NKAIN2: variants seen among roughly 807,000 people sequenced by gnomAD.
NKAIN2 encodes sodium/potassium transporting ATPase interacting 2.
A neutral mutation model predicts 32.6 loss-of-function variants in NKAIN2; 14 were observed. The observed-to-expected ratio is 0.43, with a 90% CI of 0.28 to 0.67. NKAIN2 has a LOEUF of 0.67. Among genes scored for constraint, NKAIN2 ranks in the 30% least tolerant of loss-of-function variants. The pLI, the probability that NKAIN2 is intolerant of heterozygous loss-of-function variation, is 0.17. For missense variants in NKAIN2, 198 were observed against 258.3 expected (o/e 0.77, Z 1.60); for synonymous variants, 80 against 87.2 (o/e 0.92, Z 0.46).
chr6:124,502,586 A>G lies in NKAIN2; in HGVS notation c.273+147239A>G, dbSNP rs576376053. ...TTTGTGTGTAGACTTTATTTACTCC[A>G]AGATTATAGAAAAGAATTCATGATA... is the stretch of plus-strand genomic sequence containing the variant. On this transcript the variant is annotated intron_variant, in intron 3 of 6. Coordinates refer to ENST00000368417, the MANE Select transcript of NKAIN2 (RefSeq NM_001040214.3). 3.3e-5 allele frequency among the ~76,000 whole-genome samples: 5 copies of G among 152,326 alleles called. No individual in the cohort carries two copies. The East Asian group carries it at 9.6e-4, about 29-fold the overall frequency.
chr6:124,716,009 G>A (rs1158742305), intron 4 of NKAIN2, among the ~76,000 whole-genome samples: 1 of 152,150 alleles, frequency 6.6e-6, no homozygotes, highest in South Asian at 2.1e-4. Context: ...GCTTGATAAA[G>A]CTTATTTTTG....
At chr6:124,318,492 C>T (rs960495246) in intron 2 of NKAIN2, among the ~76,000 whole-genome samples, 4 of 151,966 alleles carry the variant, frequency 2.6e-5, no homozygotes, top group Non-Finnish European at 1.5e-5. Flanking sequence ...TCTTGACAGA[C>T]TTTTGGGTGT....
intron 3 of NKAIN2, among the ~76,000 whole-genome samples, chr6:124,358,138 A>G (rs1294464349): frequency 5.9e-5 from 9 of 152,050 alleles, no homozygotes; most frequent in East Asian, 1.9e-4. Context: ...GTATTCCATG[A>G]TGTATATGTG....
chr6:124,107,894 G>A (rs1403628172), intron 1 of NKAIN2, among the ~76,000 whole-genome samples: 1 of 152,026 alleles, frequency 6.6e-6, no homozygotes, highest in Non-Finnish European at 1.5e-5. Context: ...ATATTCCATT[G>A]TATGTATATC....
intron 4 of NKAIN2, among the ~76,000 whole-genome samples, chr6:124,727,575 A>C (rs1776396027): frequency 6.6e-6 from 1 of 152,050 alleles, no homozygotes; most frequent in African/African-American, 2.4e-5. Flanking sequence ...CATGGAAAGG[A>C]ACAACCCGTA....
chr6:124,727,499 G>A (rs1192590932), intron 4 of NKAIN2, among the ~76,000 whole-genome samples: 1 of 150,732 alleles, frequency 6.6e-6, no homozygotes, highest in East Asian at 2.0e-4. Flanking sequence ...TTACAGACAA[G>A]CAAATGCTGA....
rs1156868911 is a variant in NKAIN2, at chr6:123,976,256, TATATATATGTTTCCATATATATGTTTCC to T, written c.54+172039_54+172066del. Among the ~76,000 whole-genome samples, 16 of 120,836 alleles carry T rather than the reference TATATATATGTTTCCATATATATGTTTCC, an allele frequency of 1.3e-4. 1 individual carries two copies. The highest frequency in any genetic ancestry group is 3.0e-4 in the South Asian group (1 of 3,336). 79.3% of individuals were successfully genotyped at this position (120,836 alleles called of 152,430 possible). ...CCAGACAATAGCAAGAACATATATATATATATATGTTTCCATATATATGTTTCCATATATATGTTTCCATATATATGTT... is the reference window on the plus strand; with the variant it reads ...CCAGACAATAGCAAGAACATATATATATATATATGTTTCCATATATATGTT... On this transcript the variant is annotated intron_variant, in intron 1 of 6. Transcript: ENST00000368417.
At chr6:124,309,000 A>G (rs1454344825) in intron 2 of NKAIN2, among the ~76,000 whole-genome samples, 2 of 152,184 alleles carry the variant, frequency 1.3e-5, no homozygotes, top group African/African-American at 4.8e-5. Context: ...GGAAAATAAA[A>G]GAGACTACAG....
intron 1 of NKAIN2, among the ~76,000 whole-genome samples, chr6:123,960,987 A>T (rs536170530): frequency 1.4e-4 from 22 of 152,178 alleles, no homozygotes; most frequent in South Asian, 8.3e-4. Flanking sequence ...AAATATATGA[A>T]TAGACTCCCT....
intron 1 of NKAIN2, among the ~76,000 whole-genome samples, chr6:123,914,267 G>C (rs147136303): frequency 1.7e-4 from 26 of 151,974 alleles, no homozygotes; most frequent in African/African-American, 5.8e-4. Context: ...GAGACACACA[G>C]AGAGAGACAG....
intron 1 of NKAIN2, among the ~76,000 whole-genome samples, chr6:124,164,266 C>T (rs1788422108): frequency 6.6e-6 from 1 of 151,952 alleles, no homozygotes; most frequent in African/African-American, 2.4e-5. Context: ...AGCATATACC[C>T]ACGTTTCCCA....
intron 1 of NKAIN2, among the ~76,000 whole-genome samples, chr6:123,993,131 C>A (rs184261500): frequency 6.6e-6 from 1 of 152,088 alleles, no homozygotes; most frequent in African/African-American, 2.4e-5. Flanking sequence ...AAAACCTACT[C>A]GATAGTTGTA....
At chr6:124,147,128 A>G (rs191651407) in intron 1 of NKAIN2, among the ~76,000 whole-genome samples, 11 of 152,234 alleles carry the variant, frequency 7.2e-5, no homozygotes, top group Admixed American at 7.2e-4. Flanking sequence ...GCACTGCACT[A>G]TTTTACCTCC....
intron 3 of NKAIN2, among the ~76,000 whole-genome samples, chr6:124,480,435 G>A (rs1006007191): frequency 6.6e-6 from 1 of 152,090 alleles, no homozygotes; most frequent in Non-Finnish European, 1.5e-5. Flanking sequence ...TGAGTGAGAC[G>A]TTAAAGAGCA....
At chr6:124,704,615 A>C (rs916625740) in intron 4 of NKAIN2, among the ~76,000 whole-genome samples, 4 of 150,092 alleles carry the variant, frequency 2.7e-5, no homozygotes, top group African/African-American at 4.9e-5. Context: ...GGAAACAAAA[A>C]GTGAGAGAGA....
chr6:124,404,354 T>C (rs1037538058), intron 3 of NKAIN2, among the ~76,000 whole-genome samples: 1 of 152,160 alleles, frequency 6.6e-6, no homozygotes, highest in Admixed American at 6.5e-5. Flanking sequence ...CTGAGCATCA[T>C]TCACTATGCC....
At chr6:124,103,206 A>G (rs973475166) in intron 1 of NKAIN2, among the ~76,000 whole-genome samples, 1 of 152,218 alleles carries the variant, frequency 6.6e-6, no homozygotes, top group African/African-American at 2.4e-5. Context: ...AGGAAACTAG[A>G]TCTTGCTACT....
intron 3 of NKAIN2, among the ~76,000 whole-genome samples, chr6:124,559,908 C>T (rs1487638650): frequency 1.6e-5 from 2 of 121,606 alleles, no homozygotes; most frequent in South Asian, 2.8e-4. Flanking sequence ...CACAAGATAA[C>T]CTAGACTATT....
chr6:124,784,814 T>G (rs1779428513), intron 4 of NKAIN2, among the ~76,000 whole-genome samples: 1 of 152,134 alleles, frequency 6.6e-6, no homozygotes, highest in Non-Finnish European at 1.5e-5. Context: ...ACCTCCAAAC[T>G]GTTTTCCAGA....
Sources: gnomAD v4.1 joint callset for allele counts (sites outside exome capture counted in the v4.1 genomes callset) on GRCh38, gnomAD v4.1.1 for gene constraint, MANE v1.5 for transcripts, NCBI Gene and HGNC (gene_info 2026-07-23, HGNC 2026-07-21) for gene names.